MED28: variants seen among roughly 807,000 people sequenced by gnomAD.
The protein encoded by MED28 is mediator complex subunit 28, also known as mediator of RNA polymerase II transcription subunit 28.
A neutral mutation model predicts 21.3 loss-of-function variants in MED28; 26 were observed. That is an observed-to-expected ratio of 1.22 (90% CI 0.89 to 1.69). The LOEUF (loss-of-function observed/expected upper bound fraction) is 1.69. MED28 is among the 40% of genes most tolerant of loss of function. MED28 has a pLI of 0.00. For missense variants in MED28, 257 were observed against 215.4 expected (o/e 1.19, Z -1.21); for synonymous variants, 110 against 87.6 (o/e 1.26, Z -1.43).
rs765816376 is a variant in MED28, at chr4:17,621,646, T to A, written c.286T>A (p.Leu96Ile). The A allele has an allele frequency of 9.9e-6, 16 of 1,611,414 alleles. No individual in the cohort carries two copies. The highest frequency in any genetic ancestry group is 1.4e-5 in the Non-Finnish European group (16 of 1,179,454). The change falls in exon 3 of 4, where the codon TTA (leucine) becomes ATA (isoleucine). Residue 96 changes from leucine to isoleucine, a missense_variant. Leu to Ile is a conservative substitution (Grantham distance 5). Transcript: ENST00000237380. ...TGCAAGACAGACAGAATGTTTTTTC[T>A]TACAAAAAAGATTGCAGTTATCTGT... ...DIARQTECFF[L>I]QKRLQLSVQK...
In MED28 at chr4:17,616,545, C is replaced by T. The variant is rs140239170; in HGVS notation, c.159+1732C>T. Among the ~76,000 whole-genome samples, 1,392 of 152,266 alleles carry T rather than the reference C, an allele frequency of 9.1e-3. 26 individuals are homozygous for T. Among genetic ancestry groups the T allele is most frequent in the African/African-American group, 0.032 (1,311 of 41,538 alleles). On this transcript the variant is annotated intron_variant, in intron 1 of 3. Coordinates refer to ENST00000237380, the MANE Select transcript of MED28 (RefSeq NM_025205.5). ...GTGGTCTCCCAGGCTTTGCATGTTG[C>T]GTTCTCTCCTTCAGACTCGTTTCCT...
chr4:17,621,593 A>G lies in MED28; in HGVS notation c.233A>G (p.Asp78Gly), dbSNP rs775949842. Residue 78 changes from aspartate to glycine, a missense_variant, in exon 3 of 4, where the codon GAT (aspartate) becomes GGT (glycine). Transcript: ENST00000237380. The part of the protein sequence containing the change: ...TDQEEIRTGV[D>G]QCIQKFLDIA... ...TTGTTCCTTTTTTTTTAAGGTGTTG[A>G]TCAGTGTATCCAGAAGTTTCTGGAT... 6.4e-7 allele frequency: 1 copy of G among 1,573,514 alleles called. No individual in the cohort carries two copies. The highest frequency in any genetic ancestry group is 8.6e-7 in the Non-Finnish European group (1 of 1,163,670).
chr4:17,619,243 G>T (rs1714547905), intron 1 of MED28, among the ~76,000 whole-genome samples: 1 of 152,118 alleles, frequency 6.6e-6, no homozygotes, highest in African/African-American at 2.4e-5. Context: ...CTCTCTCTGG[G>T]ACTTGATTAT....
At position 17,621,667 on chromosome 4, in the gene MED28, T is replaced by G; in HGVS notation, c.307T>G (p.Ser103Ala). The change falls in exon 3 of 4, where the codon TCT (serine) becomes GCT (alanine). Residue 103 changes from serine (S) to alanine (A), a missense_variant. By Grantham distance (99) the Ser-to-Ala change is moderately conservative. Transcript: ENST00000237380. ...CFFLQKRLQL[S>A]VQKPEQVIKE... ...TTTCTTACAAAAAAGATTGCAGTTATCTGTCCAGAAACCAGAGCAAGTTAT... is the reference window on the plus strand; with the variant it reads ...TTTCTTACAAAAAAGATTGCAGTTAGCTGTCCAGAAACCAGAGCAAGTTAT... 1 of 1,611,478 alleles carries G rather than the reference T, an allele frequency of 6.2e-7. No homozygotes were observed.
rs184765991 is a variant in MED28 at position 17,633,545 on chromosome 4, G to A, written c.*9747G>A. ...TGTATAACCCATGCTGAAGTTTTCA[G>A]GTAAGTGATTCAGTGTCCCTTGTCT... is the stretch of plus-strand genomic sequence containing the variant. On this transcript the variant is annotated 3_prime_UTR_variant, in exon 4 of 4. Transcript: ENST00000237380. 1.2e-3 allele frequency: 893 copies of A among 729,142 alleles called. 2 individuals are homozygous for A. The highest frequency in any genetic ancestry group is 3.0e-3 in the Middle Eastern group (7 of 2,370). The allele number at this position is 729,142 out of a possible 1,614,324, so 45.2% of individuals were successfully genotyped here. A position where few individuals can be genotyped will look rare whatever the true frequency, so the allele number is the denominator to read the frequency against.
At chr4:17,618,599 C>T (rs1173843034) in intron 1 of MED28, among the ~76,000 whole-genome samples, 1 of 152,170 alleles carries the variant, frequency 6.6e-6, no homozygotes, top group African/African-American at 2.4e-5. Flanking sequence ...TCACTGCAAC[C>T]TCTGCCTCCC....
In MED28 at chr4:17,632,648, T is replaced by A. The variant is rs1266660308; in HGVS notation, c.*8850T>A. The A allele has an allele frequency of 6.7e-7, 1 of 1,485,982 alleles. No homozygotes were observed. The highest frequency in any genetic ancestry group is 2.5e-5 in the East Asian group (1 of 40,380). The allele number at this position is 1,485,982 out of a possible 1,614,324, so 92.0% of individuals were successfully genotyped here. ...GTCCTAAAAGCAAAAAAAGGTTTTT[T>A]TATATGGTTTTGAAAACTATGCAAG... is the stretch of plus-strand genomic sequence containing the variant. On this transcript the variant is annotated 3_prime_UTR_variant, in exon 4 of 4. Transcript: ENST00000237380.
Position 17,624,938 on chromosome 4 carries a change from T to A in MED28, c.*1140T>A, listed in dbSNP as rs1044749331. 6.6e-6 allele frequency: 1 copy of A among 152,162 alleles called. No homozygotes were observed. Among genetic ancestry groups the A allele is most frequent in the Non-Finnish European group, 1.5e-5 (1 of 68,034 alleles). The allele number at this position is 152,162 out of a possible 1,614,324, so 9.4% of individuals were successfully genotyped here. A position where few individuals can be genotyped will look rare whatever the true frequency, so the allele number is the denominator to read the frequency against. Reference sequence around the variant, plus strand: ...AAGGTTTTCTGAGTTTTATATCTTATTAGATCACATCCCTTTACCCAGAAC... The same window carrying A: ...AAGGTTTTCTGAGTTTTATATCTTAATAGATCACATCCCTTTACCCAGAAC... On this transcript the variant is annotated 3_prime_UTR_variant, in exon 4 of 4. Coordinates refer to ENST00000237380, the MANE Select transcript of MED28 (RefSeq NM_025205.5).
At chr4:17,614,846 C>A (rs768551791) in intron 1 of MED28, 33 bp downstream of exon 1, 3 of 1,557,062 alleles carry the variant, frequency 1.9e-6, no homozygotes, top group Non-Finnish European at 2.6e-6. Context: ...TTGTCCCTAG[C>A]CTTCCCTTTT....
chr4:17,621,369 T>C lies in MED28; in HGVS notation c.227-218T>C, dbSNP rs181196098. ...TTATGCTATATTAATATCTCTCTCT[T>C]TTTTTTTTTAACCTGAGAAAAGCAT... On this transcript the variant is annotated intron_variant, in intron 2 of 3. Transcript: ENST00000237380. Among the ~76,000 whole-genome samples the C allele has an allele frequency of 4.2e-3, 625 of 148,036 alleles. 8 individuals carry two copies. Among genetic ancestry groups the C allele is most frequent in the Non-Finnish European group, 3.9e-3 (262 of 66,636 alleles).
chr4:17,620,164 T>C (rs1352882291), intron 2 of MED28, 197 bp downstream of exon 2: 3 of 584,608 alleles, frequency 5.1e-6, no homozygotes, highest in Non-Finnish European at 9.2e-6. Flanking sequence ...TAACGAATCA[T>C]TTATAATGAA....
chr4:17,632,780 A>C lies in MED28; in HGVS notation c.*8982A>C. 1.8e-6 allele frequency: 1 copy of C among 564,670 alleles called. No homozygotes were observed. Among genetic ancestry groups the C allele is most frequent in the Non-Finnish European group, 3.2e-6 (1 of 314,744 alleles). The allele number at this position is 564,670 out of a possible 1,614,324, so 35.0% of individuals were successfully genotyped here. A position where few individuals can be genotyped will look rare whatever the true frequency, so the allele number is the denominator to read the frequency against. ...ACATTAGTAGTGGGAAACAAATTGT[A>C]AAGGATGGGGCTGGGGAGGGAGTAC... On this transcript the variant is annotated 3_prime_UTR_variant, in exon 4 of 4. Transcript: ENST00000237380.
At chr4:17,622,145 G>C (rs1383138812) in intron 3 of MED28, among the ~76,000 whole-genome samples, 1 of 152,200 alleles carries the variant, frequency 6.6e-6, no homozygotes, top group Non-Finnish European at 1.5e-5. Flanking sequence ...GATCTCAGTT[G>C]TTCTAAGCTA....
Position 17,619,911 on chromosome 4 carries a change from C to T in MED28, c.170C>T (p.Ala57Val). The T allele has an allele frequency of 1.2e-6, 2 of 1,614,068 alleles. No homozygotes were observed. The highest frequency in any genetic ancestry group is 1.7e-6 in the Non-Finnish European group (2 of 1,179,938). ...ELESSFEACFASLVSQDYVNG... is the reference protein window; with the variant it reads ...ELESSFEACFVSLVSQDYVNG... ...GTTTTGATTACACAGGCTTGCTTTGCATCTCTGGTGAGTCAGGACTATGTC... is the reference window on the plus strand; with the variant it reads ...GTTTTGATTACACAGGCTTGCTTTGTATCTCTGGTGAGTCAGGACTATGTC... Residue 57 changes from alanine (A) to valine (V), a missense_variant, in exon 2 of 4, where the codon GCA becomes GTA. By Grantham distance (64) the Ala-to-Val change is moderately conservative. Coordinates refer to ENST00000237380, the MANE Select transcript of MED28 (RefSeq NM_025205.5).
intron 3 of MED28, among the ~76,000 whole-genome samples, chr4:17,623,245 A>G (rs945813398): frequency 2.6e-5 from 4 of 152,114 alleles, no homozygotes; most frequent in African/African-American, 9.7e-5. Context: ...TACTAAAAAT[A>G]TAAAAATTAG....
chr4:17,618,213 T>A (rs148444028), intron 1 of MED28, among the ~76,000 whole-genome samples: 5 of 152,110 alleles, frequency 3.3e-5, no homozygotes, highest in Admixed American at 3.3e-4. Context: ...TTCACCACGT[T>A]GCCCATGCTG....
chr4:17,617,565 A>T (rs533054759), intron 1 of MED28, among the ~76,000 whole-genome samples: 25 of 152,214 alleles, frequency 1.6e-4, no homozygotes, highest in Non-Finnish European at 3.4e-4. Flanking sequence ...GAGGACAAGC[A>T]CTTACTTTCC....
At chr4:17,622,984 T>C (rs1453415977) in intron 3 of MED28, among the ~76,000 whole-genome samples, 1 of 152,200 alleles carries the variant, frequency 6.6e-6, no homozygotes, top group Non-Finnish European at 1.5e-5. Context: ...CCTCGACACA[T>C]GGGAATTGTA....
chr4:17,624,006 CAAGT>C lies in MED28; in HGVS notation c.*214_*217del, dbSNP rs755159262. 8.0e-5 allele frequency: 46 copies of C among 575,394 alleles called. No individual in the cohort carries two copies. Among genetic ancestry groups the C allele is most frequent in the Non-Finnish European group, 1.2e-4 (38 of 325,710 alleles). The allele number at this position is 575,394 out of a possible 1,614,324, so 35.6% of individuals were successfully genotyped here. On this transcript the variant is annotated 3_prime_UTR_variant, in exon 4 of 4. Transcript: ENST00000237380. Reference sequence around the variant, plus strand: ...TAACATGTCTGTAGCTTGGATAAACCAAGTAAGTATTTTTTTTTTGTCTTTAGCA... The same window carrying C: ...TAACATGTCTGTAGCTTGGATAAACCAAGTATTTTTTTTTTGTCTTTAGCA...
Sources: allele counts gnomAD v4.1 joint callset (sites outside exome capture counted in the v4.1 genomes callset), GRCh38; gene constraint gnomAD v4.1.1; transcripts MANE v1.5; gene names NCBI Gene and HGNC (gene_info 2026-07-23, HGNC 2026-07-21).